UNC45A: variants seen among roughly 807,000 people sequenced by gnomAD.
UNC45A encodes unc-45 myosin chaperone A, also known as protein unc-45 homolog A.
UNC45A carries 78 observed loss-of-function variants against 103.2 expected under a neutral mutation model. The ratio of observed to expected loss-of-function variants is 0.76; its 90% confidence interval spans 0.63 to 0.91. The LOEUF (loss-of-function observed/expected upper bound fraction) is 0.91, where lower values mean the gene tolerates loss of function less well. Ranked by LOEUF, UNC45A falls within the 40% of genes least tolerant of loss-of-function variation. The pLI is 0.00. For synonymous variants in UNC45A, 495 were observed against 504.6 expected, an observed-to-expected ratio of 0.98 and a Z score of 0.25; for missense variants, 1,193 against 1,224.8, an observed-to-expected ratio of 0.97 and a Z score of 0.39.
rs746195051 is a variant in UNC45A at position 90,935,387 on chromosome 15, AC to A, written c.51+17del. ...CGGCCACCCCCGGGGTGCGTACCCA[AC>A]CCCCGCGCCATCACCCCTTCGCACC... On this transcript the variant is annotated intron_variant, in intron 1 of 19. Transcript: ENST00000418476. 1.0e-5 allele frequency: 16 copies of A among 1,583,860 alleles called. No individual in the cohort carries two copies. In the South Asian group the frequency reaches 1.7e-4, roughly 17 times the overall value.
In UNC45A at chr15:90,946,846, G is replaced by T. The variant is rs113080417; in HGVS notation, c.1432G>T (p.Gly478Cys). 1.2e-4 allele frequency: 197 copies of T among 1,614,134 alleles called. No homozygotes were observed. In the African/African-American group the frequency reaches 2.3e-3, roughly 19 times the overall value. The change falls in exon 10 of 20, where the codon GGT becomes TGT. Residue 478 changes from glycine (G) to cysteine (C), a missense_variant. Physicochemically the swap from Gly to Cys is radical, Grantham distance 159. Coordinates refer to ENST00000418476, the MANE Select transcript of UNC45A (RefSeq NM_018671.5). The part of the protein sequence containing the change: ...AKRASFITAN[G>C]VSLLKDLYKC... ...GCGGGCCTCATTCATCACTGCCAAT[G>T]GTGTCTCGCTGCTGAAGGACCTATA... is the stretch of plus-strand genomic sequence containing the variant.
Position 90,948,848 on chromosome 15 carries a change from C to A in UNC45A, c.1878+54C>A, listed in dbSNP as rs1035167522. 1.4e-5 allele frequency: 21 copies of A among 1,500,708 alleles called. No homozygotes were observed. The Admixed American group carries it at 2.6e-4, about 18-fold the overall frequency. The allele number at this position is 1,500,708 out of a possible 1,614,324, so 93.0% of individuals were successfully genotyped here. ...TTCCCCACCATGGGGACAGCTAACC[C>A]AGGGCATCCACAGCAGAACAACCTC... On this transcript the variant is annotated intron_variant, in intron 13 of 19. Coordinates refer to ENST00000418476, the MANE Select transcript of UNC45A (RefSeq NM_018671.5).
intron 4 of UNC45A, among the ~76,000 whole-genome samples, chr15:90,939,270 T>C (rs2036169451): frequency 2.0e-5 from 3 of 152,316 alleles, no homozygotes; most frequent in Middle Eastern, 3.4e-3. Context: ...CGGGAGCCAC[T>C]GCGCCCAGCT....
intron 4 of UNC45A, among the ~76,000 whole-genome samples, chr15:90,937,094 C>T (rs1226539814): frequency 6.6e-6 from 1 of 152,154 alleles, no homozygotes; most frequent in Non-Finnish European, 1.5e-5. Context: ...GCCTGTAATC[C>T]CAGTGCTTTT....
At position 90,946,752 on chromosome 15, in the gene UNC45A, T is replaced by C. The variant is rs1224212593; in HGVS notation, c.1338T>C (p.Cys446=). ...SGVMESVIAL[C]ASEQEEEQLV... ...TCATGGAGAGTGTGATTGCTCTGTG[T>C]GCCTCTGAGCAGGAGGAGGAGCAGC... is the stretch of plus-strand genomic sequence containing the variant. Residue 446 remains cysteine, a synonymous_variant, in exon 10 of 20, where the codon TGT becomes TGC. Coordinates refer to ENST00000418476, the MANE Select transcript of UNC45A (RefSeq NM_018671.5). 6.2e-7 allele frequency: 1 copy of C among 1,614,048 alleles called. No individual in the cohort carries two copies. Among genetic ancestry groups the C allele is most frequent in the South Asian group, 1.1e-5 (1 of 91,072 alleles).
Position 90,935,388 on chromosome 15 carries a change from C to T in UNC45A, c.51+13C>T, listed in dbSNP as rs770997495. 10 of 1,588,484 alleles carry T rather than the reference C, an allele frequency of 6.3e-6. No individual in the cohort carries two copies. Among genetic ancestry groups the T allele is most frequent in the South Asian group, 4.5e-5 (4 of 88,726 alleles). Reference sequence around the variant, plus strand: ...GGCCACCCCCGGGGTGCGTACCCAACCCCCGCGCCATCACCCCTTCGCACC... The same window carrying T: ...GGCCACCCCCGGGGTGCGTACCCAATCCCCGCGCCATCACCCCTTCGCACC... On this transcript the variant is annotated intron_variant, in intron 1 of 19. Transcript: ENST00000418476.
In UNC45A at chr15:90,949,714, C is replaced by T. The variant is rs200029222; in HGVS notation, c.2067C>T (p.Gly689=). The change falls in exon 15 of 20, where the codon GGC becomes GGT. Residue 689 remains glycine, a synonymous_variant. Coordinates refer to ENST00000418476, the MANE Select transcript of UNC45A (RefSeq NM_018671.5). ...EDRGTVVAQG[G]GRALIPLALE... The stretch of plus-strand genomic sequence containing the variant: ...GAGGCACTGTGGTTGCCCAGGGAGG[C>T]GGCAGGGTAAGCTGGTTTACACACC... 79 of 1,614,078 alleles carry T rather than the reference C, an allele frequency of 4.9e-5. No individual in the cohort carries two copies. In the Admixed American group the frequency reaches 1.0e-3, roughly 20 times the overall value.
In UNC45A at chr15:90,940,490, G is replaced by C. The variant is rs556469851; in HGVS notation, c.687+17G>C. On this transcript the variant is annotated intron_variant, in intron 6 of 19. Coordinates refer to ENST00000418476, the MANE Select transcript of UNC45A (RefSeq NM_018671.5). ...CAGTCACGGGTAGGTGGAGTGGAGA[G>C]GCTGGTTACAGCTTCAGTCCCTTTG... is the stretch of plus-strand genomic sequence containing the variant. 5 of 1,603,288 alleles carry C rather than the reference G, an allele frequency of 3.1e-6. No homozygotes were observed. The highest frequency in any genetic ancestry group is 4.3e-6 in the Non-Finnish European group (5 of 1,172,640).
chr15:90,946,357 T>C (rs191719449), intron 9 of UNC45A, among the ~76,000 whole-genome samples: 82 of 152,268 alleles, frequency 5.4e-4, no homozygotes, highest in African/African-American at 1.9e-3. Context: ...TTTCAGAGCT[T>C]AAGTCCAGGA....
In UNC45A at chr15:90,947,037, A is replaced by G. The variant is rs988401705; in HGVS notation, c.1500+123A>G. On this transcript the variant is annotated intron_variant, in intron 10 of 19. Transcript: ENST00000418476. ...AATAAGGAATACTGTAATGCCAAAAAAATTAGCTAGGCTTGGTGGTGCATG... is the reference window on the plus strand; with the variant it reads ...AATAAGGAATACTGTAATGCCAAAAGAATTAGCTAGGCTTGGTGGTGCATG... 4 of 1,211,280 alleles carry G rather than the reference A, an allele frequency of 3.3e-6. No individual in the cohort carries two copies. The African/African-American group carries it at 4.6e-5, about 14-fold the overall frequency. 75.0% of individuals were successfully genotyped at this position (1,211,280 alleles called of 1,614,324 possible).
chr15:90,953,361 C>A, intron 19 of UNC45A, 51 bp downstream of exon 19: 1 of 1,592,718 alleles, frequency 6.3e-7, no homozygotes, highest in Middle Eastern at 2.2e-4. Flanking sequence ...GAACTCCCAG[C>A]AGCAGCTGAA....
intron 11 of UNC45A, 107 bp downstream of exon 11, chr15:90,947,997 C>T (rs2036664452): frequency 1.3e-6 from 2 of 1,483,278 alleles, no homozygotes; most frequent in Non-Finnish European, 1.8e-6. Context: ...CTGGCTCAGG[C>T]AGGGGCTGCA....
chr15:90,950,330 T>C, intron 16 of UNC45A, 63 bp downstream of exon 16: 2 of 1,526,480 alleles, frequency 1.3e-6, no homozygotes, highest in South Asian at 2.4e-5. Flanking sequence ...TGGGCTGGGC[T>C]GTAGCTCCCC....
Position 90,948,185 on chromosome 15 carries a change from G to C in UNC45A, c.1639G>C (p.Ala547Pro), listed in dbSNP as rs1008663492. 3.1e-6 allele frequency: 5 copies of C among 1,614,046 alleles called. No individual in the cohort carries two copies. Among genetic ancestry groups the C allele is most frequent in the Middle Eastern group, 3.3e-4 (2 of 6,084 alleles). ...DQIDAGTRRW[A>P]VEGLAYLTFD... ...GATCGACGCAGGCACTCGGCGCTGG[G>C]CAGTGGAGGGCCTGGCTTACCTGAC... is the stretch of plus-strand genomic sequence containing the variant. Residue 547 changes from alanine to proline, a missense_variant, in exon 12 of 20, where the codon GCA (alanine) becomes CCA (proline). Physicochemically the swap from Ala to Pro is conservative, Grantham distance 27 (BLOSUM62 -1). Coordinates refer to ENST00000418476, the MANE Select transcript of UNC45A (RefSeq NM_018671.5).
chr15:90,935,559 C>A lies in UNC45A; in HGVS notation c.67C>A (p.Gln23Lys). ...PATPGASSVE[Q>K]LRKEGNELFK... ...CTCTCTACAGGCCAGCTCAGTGGAG[C>A]AGCTGCGGAAGGAGGGCAATGAGCT... The change falls in exon 2 of 20, where the codon CAG becomes AAG. Residue 23 changes from glutamine to lysine, a missense_variant. Coordinates refer to ENST00000418476, the MANE Select transcript of UNC45A (RefSeq NM_018671.5). 1.2e-6 allele frequency: 2 copies of A among 1,607,062 alleles called. No homozygotes were observed. Among genetic ancestry groups the A allele is most frequent in the South Asian group, 1.1e-5 (1 of 89,992 alleles).
chr15:90,945,864 C>A (rs1441421688), intron 9 of UNC45A, among the ~76,000 whole-genome samples: 2 of 150,322 alleles, frequency 1.3e-5, no homozygotes, highest in African/African-American at 4.9e-5. Flanking sequence ...AACTCCTGAC[C>A]TCACACCTGA....
chr15:90,942,529 G>A lies in UNC45A; in HGVS notation c.780G>A (p.Leu260=), dbSNP rs752085344. The A allele has an allele frequency of 1.1e-5, 18 of 1,614,190 alleles. No individual in the cohort carries two copies. The South Asian group carries it at 1.4e-4, about 13-fold the overall frequency. ...SQAVSLAACH[L]LQVMFDALKE... Reference sequence around the variant, plus strand: ...CTGTGTCCCTGGCTGCCTGCCACCTGCTGCAGGTTATGTTTGATGCCCTCA... The same window carrying A: ...CTGTGTCCCTGGCTGCCTGCCACCTACTGCAGGTTATGTTTGATGCCCTCA... The change falls in exon 7 of 20, where the codon CTG becomes CTA. Residue 260 remains leucine, a synonymous_variant. Transcript: ENST00000418476.
Position 90,949,548 on chromosome 15 carries a change from C to T in UNC45A, c.2006+105C>T, listed in dbSNP as rs140885537. On this transcript the variant is annotated intron_variant, in intron 14 of 19. Transcript: ENST00000418476. The stretch of plus-strand genomic sequence containing the variant: ...TTCCAGTGCTGTGGGCCTCTTAGAG[C>T]GACGGGGGCTGCCTGCGTGGCTGCC... The T allele has an allele frequency of 2.1e-4, 338 of 1,597,190 alleles. No individual in the cohort carries two copies. The Middle Eastern group carries it at 4.1e-3, about 19-fold the overall frequency.
intron 4 of UNC45A, 123 bp from the exon 5 acceptor site, chr15:90,939,608 A>G: frequency 2.1e-6 from 2 of 968,864 alleles, no homozygotes; most frequent in Non-Finnish European, 3.2e-6. Flanking sequence ...GCTAGGTGCT[A>G]GCCCTGAGCC....
Sources: gnomAD v4.1 joint callset for allele counts (sites outside exome capture counted in the v4.1 genomes callset) on GRCh38, gnomAD v4.1.1 for gene constraint, MANE v1.5 for transcripts, NCBI Gene and HGNC (gene_info 2026-07-23, HGNC 2026-07-21) for gene names.